COL4A4: variants seen among roughly 807,000 people sequenced by gnomAD.
COL4A4 encodes the protein collagen alpha-4(IV) chain.
COL4A4 carries 105 observed loss-of-function variants against 192.9 expected under a neutral mutation model. That is an observed-to-expected ratio of 0.54 (90% CI 0.46 to 0.64). The LOEUF is 0.64. COL4A4 is among the 30% of genes least tolerant of loss of function. The pLI is 0.00. For synonymous variants in COL4A4, 762 were observed against 769.9 expected (o/e 0.99, Z 0.17); for missense variants, 1,967 against 2,169.3 (o/e 0.91, Z 1.85).
At chr2:227,106,014 G>A (rs2060817226) in intron 12 of COL4A4, among the ~76,000 whole-genome samples, 2 of 149,796 alleles carry the variant, frequency 1.3e-5, no homozygotes, top group African/African-American at 4.9e-5. Context: ...CTTTTGATAG[G>A]TGGAATTTTT....
chr2:227,089,717 T>C, intron 21 of COL4A4, 151 bp downstream of exon 21: 1 of 677,054 alleles, frequency 1.5e-6, no homozygotes, highest in Non-Finnish European at 2.7e-6. Context: ...TTCAGTGACT[T>C]GTAATCACAT....
chr2:227,082,766 G>C (rs1253293027), intron 22 of COL4A4, among the ~76,000 whole-genome samples: 2 of 152,122 alleles, frequency 1.3e-5, no homozygotes, highest in Non-Finnish European at 2.9e-5. Context: ...AGGAGAAGAG[G>C]AATTAAGAAC....
intron 42 of COL4A4, 63 bp from the exon 43 acceptor site, chr2:227,025,873 T>A (rs969611963): frequency 1.1e-5 from 16 of 1,513,422 alleles, no homozygotes; most frequent in African/African-American, 1.4e-5. Context: ...GGAAAGAGAT[T>A]TTAAATTTGT....
At chr2:227,078,909 C>T (rs1000220527) in intron 24 of COL4A4, among the ~76,000 whole-genome samples, 18 of 152,198 alleles carry the variant, frequency 1.2e-4, no homozygotes, top group Admixed American at 9.8e-4. Context: ...GGCAGTACTG[C>T]TTATAGTAAA....
chr2:227,052,573 G>A (rs934577305), intron 31 of COL4A4, among the ~76,000 whole-genome samples, 161 bp from the exon 32 acceptor site: 3 of 152,150 alleles, frequency 2.0e-5, no homozygotes, highest in Admixed American at 6.5e-5. Flanking sequence ...ATTTCCTAAA[G>A]GAAGGTCAGT....
intron 26 of COL4A4, among the ~76,000 whole-genome samples, chr2:227,061,730 A>C (rs1313731496): frequency 6.9e-6 from 1 of 145,190 alleles, no homozygotes; most frequent in East Asian, 1.9e-4. Context: ...TAGGCAAAAT[A>C]TCTTAGATAG....
Position 227,007,535 on chromosome 2 carries a change from G to A in COL4A4, c.4863C>T (p.Ser1621=). ...GGGQALMSPG[S]CLEDFRAAPF... is the part of the protein sequence containing the mutation. Reference sequence around the variant, plus strand: ...GTGCTGCTCTGAAATCTTCCAGGCAGCTGCCAGGTGACATAAGGGCCTGCC... The same window carrying A: ...GTGCTGCTCTGAAATCTTCCAGGCAACTGCCAGGTGACATAAGGGCCTGCC... Residue 1621 remains serine, a synonymous_variant, in exon 48 of 48, where the codon AGC becomes AGT. Coordinates refer to ENST00000396625, the MANE Select transcript of COL4A4 (RefSeq NM_000092.5). 1 of 1,613,508 alleles carries A rather than the reference G, an allele frequency of 6.2e-7. No individual in the cohort carries two copies. The highest frequency in any genetic ancestry group is 8.5e-7 in the Non-Finnish European group (1 of 1,180,038).
chr2:226,987,902 G>C, the COL4A4 span, among the ~76,000 whole-genome samples: 1 of 152,184 alleles, frequency 6.6e-6, no homozygotes, highest in Non-Finnish European at 1.5e-5. Context: ...TTTTGAACAG[G>C]TTCTTCATTT....
At chr2:227,099,395 G>A (rs1458816221) in intron 18 of COL4A4, among the ~76,000 whole-genome samples, 2 of 152,126 alleles carry the variant, frequency 1.3e-5, no homozygotes, top group East Asian at 3.8e-4. Context: ...AATTTTTAGC[G>A]ATTAAAAATA....
chr2:227,059,655 T>A (rs2150278181), intron 27 of COL4A4, 32 bp from the exon 28 acceptor site: 1 of 1,518,722 alleles, frequency 6.6e-7, no homozygotes, highest in East Asian at 2.3e-5. Flanking sequence ...TTTTTAATGA[T>A]AACATGTGCA....
chr2:227,085,034 G>T (rs1181453479), intron 22 of COL4A4, among the ~76,000 whole-genome samples: 1 of 152,092 alleles, frequency 6.6e-6, no homozygotes, highest in African/African-American at 2.4e-5. Context: ...GAGAGGCTGA[G>T]GCAGCAGAAT....
At chr2:227,087,098 C>A (rs2059643349) in intron 22 of COL4A4, among the ~76,000 whole-genome samples, 1 of 152,170 alleles carries the variant, frequency 6.6e-6, no homozygotes, top group Non-Finnish European at 1.5e-5. Flanking sequence ...GGACAGAGGG[C>A]TCTCTCCAGT....
intron 4 of COL4A4, among the ~76,000 whole-genome samples, chr2:227,131,930 C>T (rs1375908589): frequency 6.6e-6 from 1 of 152,178 alleles, no homozygotes; most frequent in African/African-American, 2.4e-5. Flanking sequence ...AGCAGGTTCT[C>T]CCCCAGAGCC....
intron 25 of COL4A4, among the ~76,000 whole-genome samples, chr2:227,062,921 G>A (rs1977489127): frequency 1.3e-5 from 2 of 152,186 alleles, no homozygotes; most frequent in Non-Finnish European, 1.5e-5. Flanking sequence ...TACATGGGTA[G>A]TAGATAATAA....
chr2:227,060,101 GAAAAA>G (rs71422223), intron 27 of COL4A4, 30 bp downstream of exon 27: 36 of 503,686 alleles, frequency 7.1e-5, no homozygotes, highest in Admixed American at 1.7e-4. Flanking sequence ...TCCCAAAGCA[GAAAAA>G]AAAAAAAAAA....
intron 4 of COL4A4, among the ~76,000 whole-genome samples, chr2:227,129,170 AT>A (rs2062267027): frequency 6.6e-6 from 1 of 152,150 alleles, no homozygotes; most frequent in Admixed American, 6.5e-5. Flanking sequence ...CTACGACCTC[AT>A]TCCCAAAGGA....
chr2:227,104,414 CAAAAAAA>C (rs60259710), intron 12 of COL4A4, among the ~76,000 whole-genome samples: 10 of 96,874 alleles, frequency 1.0e-4, no homozygotes, highest in Non-Finnish European at 1.4e-4. Context: ...ACTAAAAATA[CAAAAAAA>C]AAAAAAAAAA....
At chr2:227,072,651 C>A (rs888434692) in intron 25 of COL4A4, among the ~76,000 whole-genome samples, 2 of 151,724 alleles carry the variant, frequency 1.3e-5, no homozygotes, top group African/African-American at 4.8e-5. Flanking sequence ...ATGCAAAAAT[C>A]CTCAACAAAA....
rs2149685292 is a variant in COL4A4 at position 227,002,957 on chromosome 2, C to G, written c.*4368G>C. 6.5e-6 allele frequency: 1 copy of G among 152,760 alleles called. No individual in the cohort carries two copies. The allele number at this position is 152,760 out of a possible 1,614,324, so 9.5% of individuals were successfully genotyped here. A position where few individuals can be genotyped will look rare whatever the true frequency, so the allele number is the denominator to read the frequency against. On this transcript the variant is annotated 3_prime_UTR_variant, in exon 48 of 48. Transcript: ENST00000396625. Reference sequence around the variant, plus strand: ...CAAGCATTTCACATGGATGTGGCAGCCAGCCTTGGTGGTTTAAAATGCATT... The same window carrying G: ...CAAGCATTTCACATGGATGTGGCAGGCAGCCTTGGTGGTTTAAAATGCATT...
Sources: allele counts gnomAD v4.1 joint callset (sites outside exome capture counted in the v4.1 genomes callset), GRCh38; gene constraint gnomAD v4.1.1; transcripts MANE v1.5; gene names NCBI Gene and HGNC (gene_info 2026-07-23, HGNC 2026-07-21).